The following DDI2 variants were observed in gnomAD, a reference collection of about 807,000 sequenced individuals.
DDI2 encodes the protein DDI proteasomal shuttling factor 2, also known as protein DDI1 homolog 2.
In DDI2, 5 loss-of-function variants were observed where a neutral mutation model predicts 48.1. That is an observed-to-expected ratio of 0.10 (90% CI 0.05 to 0.22). DDI2 has a LOEUF of 0.22. DDI2 is among the 10% of genes least tolerant of loss of function. DDI2 has a pLI of 1.00. For synonymous variants in DDI2, 205 were observed against 183.6 expected (o/e 1.12, Z -0.94); for missense variants, 285 against 506.2 (o/e 0.56, Z 4.19).
In DDI2 at chr1:15,660,598, A is replaced by G. The variant is rs374494090; in HGVS notation, c.*808A>G. 1 of 1,613,866 alleles carries G rather than the reference A, an allele frequency of 6.2e-7. No individual in the cohort carries two copies. Among genetic ancestry groups the G allele is most frequent in the African/African-American group, 1.3e-5 (1 of 74,938 alleles). ...ATCTTCAGAATGCAGTGGCTGCTCAAATTCAGAAACATTTATGGAAATCGA... is the reference window on the plus strand; with the variant it reads ...ATCTTCAGAATGCAGTGGCTGCTCAGATTCAGAAACATTTATGGAAATCGA... On this transcript the variant is annotated 3_prime_UTR_variant, in exon 10 of 10. Coordinates refer to ENST00000480945, the MANE Select transcript of DDI2 (RefSeq NM_032341.5).
rs1262134608 is a variant in DDI2 at position 15,659,836 on chromosome 1, G to A, written c.*47-1G>A. 6.6e-7 allele frequency: 1 copy of A among 1,526,394 alleles called. No homozygotes were observed. Among genetic ancestry groups the A allele is most frequent in the East Asian group, 2.3e-5 (1 of 44,294 alleles). 94.6% of individuals were successfully genotyped at this position (1,526,394 alleles called of 1,614,324 possible). On this transcript the variant is annotated splice_acceptor_variant, in intron 9 of 9. Coordinates refer to ENST00000480945, the MANE Select transcript of DDI2 (RefSeq NM_032341.5). LOFTEE classifies it low-confidence loss of function (3UTR_SPLICE). ...TTTCCTTTCCCCTGTGTTCCATATA[G>A]AGAAAAGTGGTAAAGAATCTACCTC...
chr1:15,661,571 C>T lies in DDI2; in HGVS notation c.*1781C>T. 6.2e-7 allele frequency: 1 copy of T among 1,614,218 alleles called. No homozygotes were observed. Among genetic ancestry groups the T allele is most frequent in the Non-Finnish European group, 8.5e-7 (1 of 1,180,020 alleles). ...CCATCATCAAGTCCTGCCATTCTTC[C>T]ACCATTGATTTTTCCTGCCACAGAT... On this transcript the variant is annotated 3_prime_UTR_variant, in exon 10 of 10. Coordinates refer to ENST00000480945, the MANE Select transcript of DDI2 (RefSeq NM_032341.5).
chr1:15,631,986 A>G (rs1282429151), intron 3 of DDI2, among the ~76,000 whole-genome samples: 4 of 151,864 alleles, frequency 2.6e-5, no homozygotes, highest in African/African-American at 9.7e-5. Flanking sequence ...TTGTATTATT[A>G]GTAGAGATTG....
At chr1:15,655,795 A>C (rs1280742674) in intron 8 of DDI2, among the ~76,000 whole-genome samples, 1 of 151,320 alleles carries the variant, frequency 6.6e-6, no homozygotes, top group African/African-American at 2.4e-5. Context: ...GCATGGTGGC[A>C]TGCACCTGTG....
Position 15,617,629 on chromosome 1 carries a change from C to T in DDI2, c.-42C>T. The T allele has an allele frequency of 7.6e-7, 1 of 1,318,274 alleles. No individual in the cohort carries two copies. Among genetic ancestry groups the T allele is most frequent in the Non-Finnish European group, 9.7e-7 (1 of 1,026,162 alleles). 81.7% of individuals were successfully genotyped at this position (1,318,274 alleles called of 1,614,324 possible). On this transcript the variant is annotated 5_prime_UTR_variant, in exon 1 of 10. Transcript: ENST00000480945. ...CGCCTCTTCCCCTGCGCCCCGCGCCCAGGCCGGGCCGAGCCGAGCCGAGCC... is the reference window on the plus strand; with the variant it reads ...CGCCTCTTCCCCTGCGCCCCGCGCCTAGGCCGGGCCGAGCCGAGCCGAGCC...
intron 3 of DDI2, among the ~76,000 whole-genome samples, chr1:15,632,687 A>C (rs1639864415): frequency 6.6e-6 from 1 of 152,148 alleles, no homozygotes; most frequent in Admixed American, 6.6e-5. Context: ...TATCTGGCTT[A>C]AGGCAGGGCA....
In DDI2 at chr1:15,665,717, A is replaced by T. The variant is rs546899218; in HGVS notation, c.*5927A>T. On this transcript the variant is annotated 3_prime_UTR_variant, in exon 10 of 10. Transcript: ENST00000480945. ...CTTATGGTGGCTTTTATCCCGCCAC[A>T]TATATAAATATATATATATATAGCA... is the stretch of plus-strand genomic sequence containing the variant. The T allele has an allele frequency of 9.2e-5, 14 of 152,180 alleles. No individual in the cohort carries two copies. The East Asian group carries it at 2.5e-3, about 27-fold the overall frequency. 9.4% of individuals were successfully genotyped at this position (152,180 alleles called of 1,614,324 possible). A position where few individuals can be genotyped will look rare whatever the true frequency, so the allele number is the denominator to read the frequency against.
intron 3 of DDI2, among the ~76,000 whole-genome samples, chr1:15,631,355 G>A (rs1639841122): frequency 6.6e-6 from 1 of 151,648 alleles, no homozygotes; most frequent in African/African-American, 2.4e-5. Flanking sequence ...GGCTCAAGCA[G>A]TCTGCCTGCC....
intron 6 of DDI2, among the ~76,000 whole-genome samples, chr1:15,644,587 GTT>G (rs138470671): frequency 9.6e-3 from 554 of 57,700 alleles, no homozygotes; most frequent in African/African-American, 0.043. Flanking sequence ...AGTTTTTTTT[GTT>G]TTTTTTTTTT....
Position 15,661,044 on chromosome 1 carries a change from T to A in DDI2, c.*1254T>A. 2 of 1,614,120 alleles carry A rather than the reference T, an allele frequency of 1.2e-6. No homozygotes were observed. Among genetic ancestry groups the A allele is most frequent in the Non-Finnish European group, 1.7e-6 (2 of 1,180,016 alleles). The stretch of plus-strand genomic sequence containing the variant: ...CCATAGCTGAGGGCCAAACCAGTAT[T>A]AAAGACCTTTCTGAAAGATGGACCC... On this transcript the variant is annotated 3_prime_UTR_variant, in exon 10 of 10. Coordinates refer to ENST00000480945, the MANE Select transcript of DDI2 (RefSeq NM_032341.5).
Position 15,617,819 on chromosome 1 carries a change from C to G in DDI2, c.138+11C>G. ...GCAGCCGAGAGCCAGGTACGCCGGG[C>G]AGCGAGCCGGGCCTGCCCCGGAGCT... On this transcript the variant is annotated intron_variant, in intron 1 of 9. Transcript: ENST00000480945. 6.3e-7 allele frequency: 1 copy of G among 1,585,828 alleles called. No individual in the cohort carries two copies.
Position 15,660,865 on chromosome 1 carries a change from A to C in DDI2, c.*1075A>C, listed in dbSNP as rs1192752539. 1 of 1,614,166 alleles carries C rather than the reference A, an allele frequency of 6.2e-7. No individual in the cohort carries two copies. The highest frequency in any genetic ancestry group is 8.5e-7 in the Non-Finnish European group (1 of 1,180,034). ...AGAATATGGCCATTACTCCTCTCCA[A>C]GTCTCTGTGGCAGTTGTCAGCCTTC... On this transcript the variant is annotated 3_prime_UTR_variant, in exon 10 of 10. Coordinates refer to ENST00000480945, the MANE Select transcript of DDI2 (RefSeq NM_032341.5).
chr1:15,661,019 C>T lies in DDI2; in HGVS notation c.*1229C>T, dbSNP rs1418458233. ...GAAGAAGTAATCTGTCAATCAGAAA[C>T]CATAGCTGAGGGCCAAACCAGTATT... On this transcript the variant is annotated 3_prime_UTR_variant, in exon 10 of 10. Transcript: ENST00000480945. 4 of 1,613,942 alleles carry T rather than the reference C, an allele frequency of 2.5e-6. No individual in the cohort carries two copies. The highest frequency in any genetic ancestry group is 3.4e-6 in the Non-Finnish European group (4 of 1,180,002).
At chr1:15,632,507 T>G (rs1041431649) in intron 3 of DDI2, among the ~76,000 whole-genome samples, 2 of 152,050 alleles carry the variant, frequency 1.3e-5, no homozygotes, top group African/African-American at 4.8e-5. Context: ...CTCCCCAGCC[T>G]GGGCAACAAG....
intron 6 of DDI2, 151 bp from the exon 7 acceptor site, chr1:15,649,569 G>T: frequency 1.7e-6 from 1 of 582,106 alleles, no homozygotes; most frequent in East Asian, 4.1e-5. Flanking sequence ...TACTTGGGAG[G>T]CTGAGGCAAG....
chr1:15,638,836 T>G (rs1639965146), intron 5 of DDI2, among the ~76,000 whole-genome samples: 1 of 152,198 alleles, frequency 6.6e-6, no homozygotes, highest in South Asian at 2.1e-4. Flanking sequence ...AGCGTGGGAC[T>G]TACTGTTTCA....
chr1:15,631,782 A>T (rs1297728490), intron 3 of DDI2, among the ~76,000 whole-genome samples: 1 of 151,350 alleles, frequency 6.6e-6, no homozygotes, highest in Non-Finnish European at 1.5e-5. Flanking sequence ...GGAATAATAG[A>T]GTGTCTGCTC....
At chr1:15,655,940 AAAG>A (rs996776168) in intron 8 of DDI2, among the ~76,000 whole-genome samples, 3 of 152,014 alleles carry the variant, frequency 2.0e-5, no homozygotes, top group Admixed American at 6.6e-5. Flanking sequence ...ACAACAAAAA[AAAG>A]AGCTTATTTT....
chr1:15,643,208 A>C (rs1341031275), intron 5 of DDI2, among the ~76,000 whole-genome samples: 4 of 152,244 alleles, frequency 2.6e-5, no homozygotes, highest in Non-Finnish European at 4.4e-5. Flanking sequence ...AGTACTGCTA[A>C]TTTAGCATTG....
Sources: allele counts gnomAD v4.1 joint callset (sites outside exome capture counted in the v4.1 genomes callset), GRCh38; gene constraint gnomAD v4.1.1; transcripts MANE v1.5; gene names NCBI Gene and HGNC (gene_info 2026-07-23, HGNC 2026-07-21).